KCNIP4: variants seen among roughly 807,000 people sequenced by gnomAD.
KCNIP4 encodes the protein Kv channel-interacting protein 4.
In KCNIP4, 12 loss-of-function variants were observed where a neutral mutation model predicts 34.0. The ratio of observed to expected loss-of-function variants is 0.35; its 90% CI spans 0.23 to 0.57. The LOEUF (loss-of-function observed/expected upper bound fraction) is 0.57, where lower values mean the gene tolerates loss of function less well. KCNIP4 is among the 20% of genes least tolerant of loss of function. The pLI is 0.83. For synonymous variants in KCNIP4, 124 were observed against 102.2 expected (o/e 1.21, Z -1.29); for missense variants, 238 against 311.7 (o/e 0.76, Z 1.78).
In KCNIP4 at chr4:21,590,186, G is replaced by A. The variant is rs114009345; in HGVS notation, c.61+358385C>T. ...GGAGGAGTGAATAGCTAGGTGAATA[G>A]CTAGGCAGCTGGTGTCTCACTCATT... On this transcript the variant is annotated intron_variant, in intron 1 of 8. Transcript: ENST00000382152. Among the ~76,000 whole-genome samples the A allele has an allele frequency of 6.9e-3, 1,042 of 152,110 alleles. 11 individuals are homozygous for A. The highest frequency in any genetic ancestry group is 0.023 in the African/African-American group (976 of 41,542).
chr4:21,097,429 A>T (rs181831540), intron 1 of KCNIP4, among the ~76,000 whole-genome samples: 193 of 152,222 alleles, frequency 1.3e-3, no homozygotes, highest in Non-Finnish European at 1.9e-3. Context: ...CAAACTAAAG[A>T]TTTTTGGCAA....
At chr4:20,942,178 A>T (rs1731705246) in intron 1 of KCNIP4, among the ~76,000 whole-genome samples, 2 of 152,180 alleles carry the variant, frequency 1.3e-5, no homozygotes, top group Admixed American at 1.3e-4. Flanking sequence ...GGTTCCCTCA[A>T]TGCATTCCCT....
rs5856627 is a variant in KCNIP4 at position 21,369,818 on chromosome 4, ATTTTTTTTTTTT to A, written c.62-487121_62-487110del. ...AAGGGCCGAGACCTTAACCCAAATA[ATTTTTTTTTTTT>A]TTTTTTTTTTAGACGGAGTCTTGCT... On this transcript the variant is annotated intron_variant, in intron 1 of 8. Transcript: ENST00000382152. 2.3e-5 allele frequency among the ~76,000 whole-genome samples: 3 copies of A among 131,662 alleles called. 1 individual carries two copies. Among genetic ancestry groups the A allele is most frequent in the African/African-American group, 6.9e-5 (2 of 29,020 alleles). 86.4% of individuals were successfully genotyped at this position (131,662 alleles called of 152,430 possible).
chr4:21,191,496 G>A (rs1218024231), intron 1 of KCNIP4, among the ~76,000 whole-genome samples: 1 of 152,130 alleles, frequency 6.6e-6, no homozygotes, highest in Non-Finnish European at 1.5e-5. Flanking sequence ...AATCATCAGA[G>A]CCCTTTCTGA....
At chr4:21,076,037 G>T (rs866888970) in intron 1 of KCNIP4, among the ~76,000 whole-genome samples, 2 of 152,126 alleles carry the variant, frequency 1.3e-5, no homozygotes, top group African/African-American at 2.4e-5. Flanking sequence ...CCCTTTGTGG[G>T]TAACCCGACC....
chr4:21,459,651 G>C (rs1030819055), intron 1 of KCNIP4, among the ~76,000 whole-genome samples: 2 of 151,956 alleles, frequency 1.3e-5, no homozygotes, highest in Non-Finnish European at 2.9e-5. Flanking sequence ...CAGAGCTCCC[G>C]ATATTTCTTA....
At chr4:21,913,364 C>A (rs1578138708) in intron 1 of KCNIP4, among the ~76,000 whole-genome samples, 1 of 145,016 alleles carries the variant, frequency 6.9e-6, no homozygotes, top group Admixed American at 6.9e-5. Flanking sequence ...TTTCTTTTTC[C>A]TTTTTTTTTT....
intron 1 of KCNIP4, among the ~76,000 whole-genome samples, chr4:21,798,511 GGAAAAAA>G (rs1560722442): frequency 1.7e-5 from 1 of 60,092 alleles, no homozygotes; most frequent in African/African-American, 6.9e-5. Flanking sequence ...CAAGACCCTG[GGAAAAAA>G]AAAAAAAAAA....
chr4:21,377,912 G>A (rs1238502244), intron 1 of KCNIP4, among the ~76,000 whole-genome samples: 2 of 152,180 alleles, frequency 1.3e-5, no homozygotes, highest in African/African-American at 2.4e-5. Flanking sequence ...AGCAGCACTC[G>A]AGGTTGATCA....
intron 1 of KCNIP4, among the ~76,000 whole-genome samples, chr4:21,346,208 A>ATTCTATATATAT (rs1415145896): frequency 1.6e-5 from 1 of 62,890 alleles, no homozygotes; most frequent in Non-Finnish European, 3.3e-5. Flanking sequence ...TATATATATA[A>ATTCTATATATAT]TATATATTAT....
chr4:20,766,908 CTG>C (rs34580723), intron 3 of KCNIP4: 21,168 of 151,582 alleles, frequency 0.14, 1,665 homozygotes, highest in East Asian at 0.19. Context: ...TTCAGGCAAA[CTG>C]TTTAATCTAA....
intron 1 of KCNIP4, among the ~76,000 whole-genome samples, chr4:21,031,977 G>A (rs892690224): frequency 6.6e-6 from 1 of 152,126 alleles, no homozygotes; most frequent in East Asian, 1.9e-4. Flanking sequence ...GTGTGGCTGT[G>A]TCCCAATGAA....
At chr4:21,069,417 T>G (rs575972603) in intron 1 of KCNIP4, among the ~76,000 whole-genome samples, 1 of 152,320 alleles carries the variant, frequency 6.6e-6, no homozygotes, top group East Asian at 1.9e-4. Context: ...CTTGGATATT[T>G]GAAACCAGGA....
rs539894938 is a variant in KCNIP4, at chr4:21,674,224, T to C, written c.61+274347A>G. Among the ~76,000 whole-genome samples, 6 of 152,292 alleles carry C rather than the reference T, an allele frequency of 3.9e-5. No homozygotes were observed. In the East Asian group the frequency reaches 1.2e-3, roughly 30 times the overall value. ...GTAATAACCAGAAACTGAGCTCTCA[T>C]GAACACTGAACATGGAAGATCACAG... On this transcript the variant is annotated intron_variant, in intron 1 of 8. Coordinates refer to ENST00000382152, the MANE Select transcript of KCNIP4 (RefSeq NM_025221.6).
At chr4:21,146,354 C>G (rs1227398883) in intron 1 of KCNIP4, among the ~76,000 whole-genome samples, 1 of 151,860 alleles carries the variant, frequency 6.6e-6, no homozygotes, top group East Asian at 1.9e-4. Context: ...GCAGAGATCA[C>G]GCCATTGCAC....
intron 1 of KCNIP4, among the ~76,000 whole-genome samples, chr4:21,826,555 A>C (rs1722689325): frequency 6.6e-6 from 1 of 152,144 alleles, no homozygotes; most frequent in Non-Finnish European, 1.5e-5. Context: ...AAAAGCTATA[A>C]GACTTAATCA....
At chr4:21,792,008 A>G (rs113503820) in intron 1 of KCNIP4, among the ~76,000 whole-genome samples, 1 of 141,294 alleles carries the variant, frequency 7.1e-6, no homozygotes. Context: ...CTCAAAAAAA[A>G]AAAAAAAAAA....
chr4:21,036,699 C>G (rs1261617281), intron 1 of KCNIP4, among the ~76,000 whole-genome samples: 1 of 152,192 alleles, frequency 6.6e-6, no homozygotes, highest in Admixed American at 6.5e-5. Flanking sequence ...GCACTCCAGC[C>G]TGGGGACAGA....
intron 1 of KCNIP4, among the ~76,000 whole-genome samples, chr4:21,467,945 G>C (rs6842233): frequency 0.19 from 29,036 of 152,092 alleles, 3,317 homozygotes; most frequent in African/African-American, 0.31. Context: ...AGCAAGCCTT[G>C]GGTAGCACCA....
Sources: allele counts gnomAD v4.1 joint callset (sites outside exome capture counted in the v4.1 genomes callset), GRCh38; gene constraint gnomAD v4.1.1; transcripts MANE v1.5; gene names NCBI Gene and HGNC (gene_info 2026-07-23, HGNC 2026-07-21).